The following KRT8 variants were observed in gnomAD, a reference collection of about 807,000 sequenced individuals.
The protein encoded by KRT8 is keratin 8.
KRT8 carries 24 observed loss-of-function variants against 43.0 expected under a neutral mutation model. That is an observed-to-expected ratio of 0.56 (90% CI 0.40 to 0.78). KRT8 has a LOEUF of 0.78. Ranked by LOEUF, KRT8 falls within the 30% of genes least tolerant of loss-of-function variation. The pLI is 0.00. For missense variants in KRT8, 492 were observed against 638.4 expected (o/e 0.77, Z 2.47); for synonymous variants, 214 against 261.2 (o/e 0.82, Z 1.74).
chr12:52,919,078 C>T (rs971072637), intron 2 of KRT8, among the ~76,000 whole-genome samples: 4 of 151,900 alleles, frequency 2.6e-5, no homozygotes, highest in Non-Finnish European at 4.4e-5. Context: ...TGTAAAAATC[C>T]GCCATTATGC....
chr12:52,901,671 G>A lies in KRT8; in HGVS notation c.533+193C>T, dbSNP rs891285273. ...GACAGTTGAGATTGAAAGGGGGTGG[G>A]TACTATCAACAATTGTGCTAGGAAC... On this transcript the variant is annotated intron_variant, in intron 2 of 7. Coordinates refer to ENST00000692008, the Ensembl canonical transcript of KRT8. 1.8e-5 allele frequency: 11 copies of A among 618,642 alleles called. 1 individual carries two copies. In the African/African-American group the frequency reaches 1.8e-4, roughly 10 times the overall value. 38.3% of individuals were successfully genotyped at this position (618,642 alleles called of 1,614,324 possible). A position where few individuals can be genotyped will look rare whatever the true frequency, so the allele number is the denominator to read the frequency against.
intron 2 of KRT8, among the ~76,000 whole-genome samples, chr12:52,914,257 C>G (rs1164989228): frequency 6.6e-6 from 1 of 151,420 alleles, no homozygotes; most frequent in Non-Finnish European, 1.5e-5. Flanking sequence ...AAAAAATCCA[C>G]CGGGTGCAGT....
intron 2 of KRT8, among the ~76,000 whole-genome samples, chr12:52,917,595 G>A (rs1016760510): frequency 6.6e-6 from 1 of 151,690 alleles, no homozygotes; most frequent in South Asian, 2.1e-4. Flanking sequence ...TGTAATCCCA[G>A]CTACTTGGGA....
chr12:52,942,609 T>C (rs555622069), intron 2 of KRT8, among the ~76,000 whole-genome samples: 1 of 152,278 alleles, frequency 6.6e-6, no homozygotes, highest in South Asian at 2.1e-4. Context: ...TCTGTTTGCC[T>C]TTGCTTCCCC....
intron 2 of KRT8, among the ~76,000 whole-genome samples, chr12:52,941,867 G>A (rs779520941): frequency 2.0e-5 from 3 of 152,080 alleles, no homozygotes; most frequent in Admixed American, 6.6e-5. Flanking sequence ...CCTTCAGCAC[G>A]TAGAACGCAA....
At chr12:52,906,835 TC>T, upstream of KRT8, 1 of 453,008 alleles carries the variant, frequency 2.2e-6, no homozygotes, top group Non-Finnish European at 4.4e-6. Flanking sequence ...TTCTTCCCCA[TC>T]CTTCTCTAGG....
chr12:52,949,752 AAG>A, exon 1 of KRT8: 1 of 734,946 alleles, frequency 1.4e-6, no homozygotes, highest in South Asian at 1.5e-5. Context: ...CAGGGTCCCT[AAG>A]AGCAGCAGCT....
At chr12:52,933,816 G>A (rs529255904) in intron 2 of KRT8, among the ~76,000 whole-genome samples, 121 of 151,576 alleles carry the variant, frequency 8.0e-4, no homozygotes, top group African/African-American at 2.8e-3. Context: ...GTAGAGACGG[G>A]GTTTCACCAT....
chr12:52,914,302 C>T (rs1254929879), intron 2 of KRT8, among the ~76,000 whole-genome samples: 3 of 151,788 alleles, frequency 2.0e-5, no homozygotes, highest in East Asian at 3.9e-4. Context: ...TTTGGGAGGC[C>T]GAGGCAGGCG....
chr12:52,928,344 T>A (rs1223276256), intron 2 of KRT8, among the ~76,000 whole-genome samples: 3 of 152,152 alleles, frequency 2.0e-5, no homozygotes, highest in African/African-American at 7.2e-5. Flanking sequence ...GAGCCCCCAG[T>A]GCACCACCAC....
chr12:52,930,244 C>T (rs905048499), intron 2 of KRT8, among the ~76,000 whole-genome samples: 6 of 148,728 alleles, frequency 4.0e-5, no homozygotes, highest in Non-Finnish European at 5.9e-5. Context: ...TGAGACAGAG[C>T]TTCGTTCTTG....
chr12:52,899,989 A>G (rs1941324909), exon 5 of KRT8: 1 of 1,613,254 alleles, frequency 6.2e-7, no homozygotes, highest in Non-Finnish European at 8.5e-7. Context: ...GATGCTGTCC[A>G]TGTCCAGGGA....
At chr12:52,938,170 A>ATATATATATATATATATATATT (rs1555189967) in intron 2 of KRT8, among the ~76,000 whole-genome samples, 14 of 30,258 alleles carry the variant, frequency 4.6e-4, no homozygotes, top group Non-Finnish European at 6.5e-4. Context: ...ATATATATAT[A>ATATATATATATATATATATATT]TTTTTTTTTT....
intron 2 of KRT8, among the ~76,000 whole-genome samples, chr12:52,914,470 G>A (rs1240801412): frequency 2.0e-5 from 3 of 151,684 alleles, no homozygotes; most frequent in Non-Finnish European, 4.4e-5. Flanking sequence ...CCAGGAGGTG[G>A]AGGTTGCAGC....
chr12:52,929,492 C>T (rs1365420529), intron 2 of KRT8, among the ~76,000 whole-genome samples: 2 of 152,228 alleles, frequency 1.3e-5, no homozygotes, highest in South Asian at 2.1e-4. Context: ...CCTCGTCCAA[C>T]CGCCTTTCTT....
At chr12:52,901,300 G>C in intron 2 of KRT8, 81 bp from the exon 3 acceptor site, 1 of 955,752 alleles carries the variant, frequency 1.0e-6, no homozygotes, top group Non-Finnish European at 1.7e-6. Flanking sequence ...GGGGCGTTGT[G>C]AAAATCAGGA....
intron 2 of KRT8, among the ~76,000 whole-genome samples, chr12:52,940,953 T>G (rs1194943384): frequency 6.6e-6 from 1 of 152,122 alleles, no homozygotes; most frequent in Non-Finnish European, 1.5e-5. Flanking sequence ...ATAAAAATTA[T>G]GTATTTTGAT....
chr12:52,944,724 T>A (rs1942318093), intron 2 of KRT8, among the ~76,000 whole-genome samples: 1 of 152,120 alleles, frequency 6.6e-6, no homozygotes, highest in Non-Finnish European at 1.5e-5. Context: ...AAATAACCCC[T>A]AGGGCACAAA....
chr12:52,921,240 C>G (rs959306959), intron 2 of KRT8, among the ~76,000 whole-genome samples: 6 of 152,206 alleles, frequency 3.9e-5, no homozygotes, highest in African/African-American at 1.4e-4. Context: ...TCTACCTTCT[C>G]TCTCCTTCCT....
Sources: gnomAD v4.1 joint callset for allele counts (sites outside exome capture counted in the v4.1 genomes callset) on GRCh38, gnomAD v4.1.1 for gene constraint, MANE v1.5 for transcripts, NCBI Gene and HGNC (gene_info 2026-07-23, HGNC 2026-07-21) for gene names.